COG2: variants seen among roughly 807,000 people sequenced by gnomAD.
COG2 encodes component of oligomeric golgi complex 2, also known as conserved oligomeric Golgi complex subunit 2.
A neutral mutation model predicts 90.6 loss-of-function variants in COG2; 52 were observed. The ratio of observed to expected loss-of-function variants is 0.57; its 90% CI spans 0.46 to 0.72. The LOEUF (loss-of-function observed/expected upper bound fraction) is 0.72. Among genes scored for constraint, COG2 ranks in the 30% least tolerant of loss-of-function variants. COG2 has a pLI of 0.00. For synonymous variants in COG2, 337 were observed against 320.4 expected (o/e 1.05, Z -0.55); for missense variants, 829 against 891.2 (o/e 0.93, Z 0.89).
intron 1 of COG2, among the ~76,000 whole-genome samples, chr1:230,650,425 A>G (rs12731877): frequency 0.054 from 8,155 of 152,158 alleles, 247 homozygotes; most frequent in Middle Eastern, 0.088. Context: ...ATCTCATTGT[A>G]ATTTTAATTT....
intron 1 of COG2, among the ~76,000 whole-genome samples, chr1:230,645,825 G>C (rs1022089669): frequency 1.3e-4 from 20 of 152,096 alleles, no homozygotes; most frequent in Non-Finnish European, 2.2e-4. Context: ...GCCTAACCTA[G>C]ATCCCTCGCA....
At chr1:230,646,943 G>A (rs6670691) in intron 1 of COG2, among the ~76,000 whole-genome samples, 17 of 151,768 alleles carry the variant, frequency 1.1e-4, no homozygotes, top group African/African-American at 4.1e-4. Flanking sequence ...CCCACTTTCT[G>A]ACTCATCATT....
intron 8 of COG2, among the ~76,000 whole-genome samples, chr1:230,673,446 C>G (rs1186841175): frequency 6.6e-6 from 1 of 152,202 alleles, no homozygotes; most frequent in African/African-American, 2.4e-5. Flanking sequence ...CTGGCAACAC[C>G]AACAACATTC....
intron 1 of COG2, among the ~76,000 whole-genome samples, chr1:230,654,637 T>G (rs183552614): frequency 6.6e-6 from 1 of 152,178 alleles, no homozygotes; most frequent in African/African-American, 2.4e-5. Context: ...GTGAAAAAAG[T>G]CAATGGTAGC....
intron 5 of COG2, among the ~76,000 whole-genome samples, chr1:230,667,632 C>G (rs1379093657): frequency 6.6e-6 from 1 of 152,134 alleles, no homozygotes; most frequent in African/African-American, 2.4e-5. Context: ...CGAGATTATT[C>G]AGGAAACAGT....
intron 5 of COG2, among the ~76,000 whole-genome samples, chr1:230,665,085 G>A (rs934890419): frequency 2.6e-5 from 4 of 152,190 alleles, no homozygotes; most frequent in African/African-American, 9.7e-5. Context: ...TTATACTGTA[G>A]TGTCTTATTA....
rs926781334 is a variant in COG2 at position 230,692,023 on chromosome 1, A to C, written c.2115+459A>C. 2.6e-5 allele frequency among the ~76,000 whole-genome samples: 4 copies of C among 152,110 alleles called. 1 individual carries two copies. The highest frequency in any genetic ancestry group is 9.7e-5 in the African/African-American group (4 of 41,408). Reference sequence around the variant, plus strand: ...CTTTGTAGCTTTCCTATAAAACACAAATTTTAGAATCATGGCACGTAGTTG... The same window carrying C: ...CTTTGTAGCTTTCCTATAAAACACACATTTTAGAATCATGGCACGTAGTTG... On this transcript the variant is annotated intron_variant, in intron 17 of 17. Transcript: ENST00000366669.
intron 11 of COG2, among the ~76,000 whole-genome samples, chr1:230,684,012 G>T (rs996504662): frequency 6.6e-6 from 1 of 151,908 alleles, no homozygotes; most frequent in African/African-American, 2.4e-5. Flanking sequence ...GGCTGGTCTC[G>T]AACTCTGACC....
At chr1:230,690,516 T>C (rs566180704) in intron 16 of COG2, among the ~76,000 whole-genome samples, 23 of 152,356 alleles carry the variant, frequency 1.5e-4, no homozygotes, top group African/African-American at 5.3e-4. Context: ...GCTCTAATCA[T>C]AACAGATACT....
At chr1:230,666,435 C>T (rs1238410150) in intron 5 of COG2, among the ~76,000 whole-genome samples, 1 of 152,112 alleles carries the variant, frequency 6.6e-6, no homozygotes, top group East Asian at 1.9e-4. Flanking sequence ...AGGCAGTGGC[C>T]TCCTGACTGA....
At chr1:230,657,683 C>T (rs1662094401) in intron 1 of COG2, among the ~76,000 whole-genome samples, 1 of 152,118 alleles carries the variant, frequency 6.6e-6, no homozygotes, top group Admixed American at 6.5e-5. Flanking sequence ...TTCCATTTTC[C>T]CCGTCACTTT....
rs372577276 is a variant in COG2 at position 230,685,214 on chromosome 1, G to A, written c.1358G>A (p.Arg453Gln). ...AGACTCACTCTGCAGATTTTGGCACGATACTCTGTGTTTGTCAATGAGGTA... is the reference window on the plus strand; with the variant it reads ...AGACTCACTCTGCAGATTTTGGCACAATACTCTGTGTTTGTCAATGAGGTA... ...LWRLTLQILA[R>Q]YSVFVNELSL... Residue 453 changes from arginine to glutamine, a missense_variant, in exon 12 of 18, where the codon CGA becomes CAA. Physicochemically the swap from Arg to Gln is conservative, Grantham distance 43. Coordinates refer to ENST00000366669, the MANE Select transcript of COG2 (RefSeq NM_007357.3). The A allele has an allele frequency of 1.3e-4, 206 of 1,614,026 alleles. No homozygotes were observed. The highest frequency in any genetic ancestry group is 1.6e-4 in the Non-Finnish European group (184 of 1,180,036).
chr1:230,693,149 T>C, intron 17 of COG2, 143 bp from the exon 18 acceptor site: 1 of 527,448 alleles, frequency 1.9e-6, no homozygotes. Context: ...GTAAATCCTT[T>C]GCTCTAGAGG....
At chr1:230,653,574 A>G (rs1167187045) in intron 1 of COG2, among the ~76,000 whole-genome samples, 1 of 152,078 alleles carries the variant, frequency 6.6e-6, no homozygotes, top group African/African-American at 2.4e-5. Context: ...TGATTCTACT[A>G]AAGAATCAAT....
chr1:230,671,684 G>T (rs932675315), intron 8 of COG2, 44 bp downstream of exon 8: 4 of 1,595,218 alleles, frequency 2.5e-6, no homozygotes, highest in South Asian at 1.1e-5. Flanking sequence ...CCCTTTCAGT[G>T]ACCGCACCTG....
intron 13 of COG2, among the ~76,000 whole-genome samples, chr1:230,687,528 T>G (rs1299954504): frequency 6.6e-6 from 1 of 152,230 alleles, no homozygotes; most frequent in Non-Finnish European, 1.5e-5. Context: ...TACATTAATT[T>G]ACCCCGATAT....
intron 10 of COG2, chr1:230,680,241 G>A (rs766487954): frequency 6.6e-6 from 1 of 152,320 alleles, no homozygotes; most frequent in Non-Finnish European, 1.5e-5. Flanking sequence ...CTGCTATGTA[G>A]AAATAATGTT....
intron 10 of COG2, chr1:230,682,801 A>G (rs551694726): frequency 1.3e-5 from 2 of 152,268 alleles, no homozygotes; most frequent in African/African-American, 4.8e-5. Context: ...AAAGAGATAT[A>G]TGAAATTGCA....
chr1:230,689,355 T>C (rs1662965710), intron 15 of COG2, among the ~76,000 whole-genome samples: 1 of 152,192 alleles, frequency 6.6e-6, no homozygotes, highest in Admixed American at 6.5e-5. Context: ...TATTTTTCTT[T>C]AGTAATCTAC....
Sources: gnomAD v4.1 joint callset for allele counts (sites outside exome capture counted in the v4.1 genomes callset) on GRCh38, gnomAD v4.1.1 for gene constraint, MANE v1.5 for transcripts, NCBI Gene and HGNC (gene_info 2026-07-23, HGNC 2026-07-21) for gene names.